Variants in MIGA1 observed in about 807,000 individuals in gnomAD.
MIGA1 encodes family with sequence similarity 73, member A.
Under a neutral mutation model 82.0 loss-of-function variants are expected in MIGA1, and 58 were observed. That is an observed-to-expected ratio of 0.71 (90% CI 0.57 to 0.88). MIGA1 has a LOEUF of 0.88. MIGA1 is among the 40% of genes least tolerant of loss of function. MIGA1 has a pLI of 0.00. For synonymous variants in MIGA1, 249 were observed against 253.6 expected (o/e 0.98, Z 0.17); for missense variants, 751 against 749.1 (o/e 1.00, Z -0.03).
intron 13 of MIGA1, 56 bp from the exon 14 acceptor site, chr1:77,866,282 A>C: frequency 6.6e-7 from 1 of 1,517,610 alleles, no homozygotes. Context: ...TTCTAATAAA[A>C]ATGGAAATGT....
intron 15 of MIGA1, among the ~76,000 whole-genome samples, chr1:77,873,901 A>C (rs1159835801): frequency 6.6e-6 from 1 of 152,168 alleles, no homozygotes; most frequent in Non-Finnish European, 1.5e-5. Flanking sequence ...TTACTTGACC[A>C]CCCAAATGTA....
chr1:77,844,376 A>G lies in MIGA1; in HGVS notation c.996+969A>G, dbSNP rs72685319. Among the ~76,000 whole-genome samples the G allele has an allele frequency of 4.5e-3, 684 of 151,960 alleles. 9 individuals carry two copies. The highest frequency in any genetic ancestry group is 5.0e-3 in the Non-Finnish European group (341 of 67,942). On this transcript the variant is annotated intron_variant, in intron 8 of 15. Coordinates refer to ENST00000370791, the MANE Select transcript of MIGA1 (RefSeq NM_198549.4). The stretch of plus-strand genomic sequence containing the variant: ...TGTAAAGTTTTATATAGATTGTATG[A>G]TTATAATTTTGTAAAAAGGAAACAA...
At chr1:77,779,831 G>A (rs1681818492) in intron 1 of MIGA1, 95 bp downstream of exon 1, 1 of 1,447,902 alleles carries the variant, frequency 6.9e-7, no homozygotes, top group African/African-American at 1.4e-5. Flanking sequence ...TCGGGGCAGG[G>A]GTGGCGCGGA....
Position 77,780,045 on chromosome 1 carries a change from G to A in MIGA1, c.81+309G>A, listed in dbSNP as rs1681833994. 1.2e-5 allele frequency: 13 copies of A among 1,130,210 alleles called. No homozygotes were observed. The South Asian group carries it at 2.1e-4, about 19-fold the overall frequency. The allele number at this position is 1,130,210 out of a possible 1,614,324, so 70.0% of individuals were successfully genotyped here. A position where few individuals can be genotyped will look rare whatever the true frequency, so the allele number is the denominator to read the frequency against. ...CAAAGGAAGCGCGGAATTGGGATGGGCTCGCCACTGCTCTGAGCCAGAGGA... is the reference window on the plus strand; with the variant it reads ...CAAAGGAAGCGCGGAATTGGGATGGACTCGCCACTGCTCTGAGCCAGAGGA... On this transcript the variant is annotated intron_variant, in intron 1 of 15. Transcript: ENST00000370791.
chr1:77,867,378 G>T (rs1685711278), intron 14 of MIGA1, among the ~76,000 whole-genome samples: 1 of 152,334 alleles, frequency 6.6e-6, no homozygotes, highest in African/African-American at 2.4e-5. Context: ...AGGCTGGAGT[G>T]CCGTGGCATG....
rs778763261 is a variant in MIGA1, at chr1:77,860,366, A to C, written c.1275+240A>C. The stretch of plus-strand genomic sequence containing the variant: ...TGTAAATGTCATGGTGAGAATTATC[A>C]TTAGATCTGCTGCTATAACCATCAC... On this transcript the variant is annotated intron_variant, in intron 11 of 15. Transcript: ENST00000370791. The C allele has an allele frequency of 6.3e-4, 275 of 437,948 alleles. 1 individual carries two copies. The highest frequency in any genetic ancestry group is 6.5e-4 in the Non-Finnish European group (162 of 247,566). 27.1% of individuals were successfully genotyped at this position (437,948 alleles called of 1,614,324 possible).
intron 4 of MIGA1, among the ~76,000 whole-genome samples, chr1:77,804,993 C>CT (rs67999119): frequency 0.051 from 4,883 of 95,812 alleles, 238 homozygotes; most frequent in East Asian, 0.13. Flanking sequence ...TTCCATATTT[C>CT]TTTTTTTTTT....
intron 11 of MIGA1, chr1:77,860,351 A>G (rs1311702576): frequency 2.1e-6 from 1 of 466,482 alleles, no homozygotes; most frequent in Non-Finnish European, 3.8e-6. Context: ...TGTAAATGTC[A>G]TGGTGAGAAT....
rs752821907 is a variant in MIGA1, at chr1:77,783,259, G to A, written c.103G>A (p.Glu35Lys). The A allele has an allele frequency of 5.0e-6, 8 of 1,592,212 alleles. No homozygotes were observed. Among genetic ancestry groups the A allele is most frequent in the South Asian group, 1.1e-5 (1 of 87,836 alleles). Residue 35 changes from glutamate (E) to lysine (K), a missense_variant, in exon 2 of 16, where the codon GAA becomes AAA. Coordinates refer to ENST00000370791, the MANE Select transcript of MIGA1 (RefSeq NM_198549.4). ...GAAGATTAGAAGAGGAGCCATGTCA[G>A]AAGAAACAGTAAGTGAATCACAGTT...
At chr1:77,779,924 C>T in intron 1 of MIGA1, 188 bp downstream of exon 1, 1 of 1,382,834 alleles carries the variant, frequency 7.2e-7, no homozygotes, top group Non-Finnish European at 9.3e-7. Flanking sequence ...CCCTGAACAC[C>T]CCCGACCTCG....
At chr1:77,811,512 G>A in intron 5 of MIGA1, 1 of 1,574,506 alleles carries the variant, frequency 6.4e-7, no homozygotes, top group Non-Finnish European at 8.7e-7. Flanking sequence ...GCTTCTTCAG[G>A]TCCTCCAGTT....
chr1:77,831,924 A>G (rs1234444092), intron 7 of MIGA1, among the ~76,000 whole-genome samples: 2 of 152,220 alleles, frequency 1.3e-5, no homozygotes, highest in Non-Finnish European at 2.9e-5. Flanking sequence ...TCTTGTCCAC[A>G]GTTTCTTGGG....
intron 3 of MIGA1, 25 bp from the exon 4 acceptor site, chr1:77,803,245 T>A (rs756892507): frequency 3.7e-6 from 5 of 1,363,232 alleles, no homozygotes; most frequent in Non-Finnish European, 3.9e-6. Flanking sequence ...TTGATATTTT[T>A]AATATTAGTA....
At chr1:77,810,846 TTCA>T in intron 5 of MIGA1, 1 of 1,608,836 alleles carries the variant, frequency 6.2e-7, no homozygotes, top group Non-Finnish European at 8.5e-7. Flanking sequence ...AAGTTCCAGG[TTCA>T]TCATGTCAGG....
In MIGA1 at chr1:77,803,394, G is replaced by A. The variant is rs749175265; in HGVS notation, c.498G>A (p.Gln166=). The A allele has an allele frequency of 1.3e-6, 2 of 1,519,026 alleles. No individual in the cohort carries two copies. 94.1% of individuals were successfully genotyped at this position (1,519,026 alleles called of 1,614,324 possible). A position where few individuals can be genotyped will look rare whatever the true frequency, so the allele number is the denominator to read the frequency against. ...TCAGTAAATATTCAGGTTCTGCACA[G>A]AGTTTGGCCTCTGTAAGTACAGAAA... Residue 166 remains glutamine (Q), a synonymous_variant, in exon 4 of 16, where the codon CAG becomes CAA. Transcript: ENST00000370791.
chr1:77,792,056 A>G (rs543274345), intron 2 of MIGA1, among the ~76,000 whole-genome samples: 1 of 152,172 alleles, frequency 6.6e-6, no homozygotes, highest in African/African-American at 2.4e-5. Context: ...TGAGGACCAA[A>G]ACATGAGAAA....
intron 2 of MIGA1, among the ~76,000 whole-genome samples, chr1:77,796,508 G>A (rs932710476): frequency 6.6e-6 from 1 of 150,970 alleles, no homozygotes; most frequent in Non-Finnish European, 1.5e-5. Context: ...CTGCAACCTC[G>A]AACCCCTGGG....
intron 7 of MIGA1, among the ~76,000 whole-genome samples, chr1:77,816,876 T>C (rs1683590766): frequency 6.6e-6 from 1 of 152,004 alleles, no homozygotes. Flanking sequence ...ATGGAACAAC[T>C]AGAAAAGTTA....
At chr1:77,855,227 T>C (rs1369263410) in intron 8 of MIGA1, among the ~76,000 whole-genome samples, 2 of 152,218 alleles carry the variant, frequency 1.3e-5, no homozygotes, top group African/African-American at 2.4e-5. Flanking sequence ...TATTTATGTG[T>C]TCTCTCTTCT....
Sources: gnomAD v4.1 joint callset for allele counts (sites outside exome capture counted in the v4.1 genomes callset) on GRCh38, gnomAD v4.1.1 for gene constraint, MANE v1.5 for transcripts, NCBI Gene and HGNC (gene_info 2026-07-23, HGNC 2026-07-21) for gene names.